Variants in WDPCP observed in about 807,000 individuals in gnomAD.
WDPCP encodes WD repeat containing planar cell polarity effector.
In WDPCP, 71 loss-of-function variants were observed where a neutral mutation model predicts 93.1. The observed-to-expected ratio is 0.76, with a 90% CI of 0.63 to 0.93. The LOEUF (loss-of-function observed/expected upper bound fraction) is 0.93, where lower values mean the gene tolerates loss of function less well. WDPCP is among the 40% of genes least tolerant of loss of function. The probability of loss-of-function intolerance (pLI) is 0.00; values close to 1 mark genes in which losing one functional copy is unlikely to be tolerated. For missense variants in WDPCP, 844 were observed against 887.4 expected, an observed-to-expected ratio of 0.95 and a Z score of 0.62; for synonymous variants, 315 against 315.0, an observed-to-expected ratio of 1.00 and a Z score of 0.00.
At chr2:63,432,061 C>T (rs577871566) in intron 9 of WDPCP, among the ~76,000 whole-genome samples, 7 of 152,104 alleles carry the variant, frequency 4.6e-5, no homozygotes, top group Admixed American at 2.6e-4. Context: ...CCTTAAAAGA[C>T]GTCACACCCA....
chr2:63,420,649 C>G (rs1267699351), intron 9 of WDPCP, among the ~76,000 whole-genome samples: 1 of 152,098 alleles, frequency 6.6e-6, no homozygotes, highest in Admixed American at 6.5e-5. Flanking sequence ...GTATTTAATC[C>G]TATGCATACT....
At chr2:63,693,329 G>T (rs1331615847) in intron 2 of WDPCP, among the ~76,000 whole-genome samples, 1 of 152,010 alleles carries the variant, frequency 6.6e-6, no homozygotes, top group Non-Finnish European at 1.5e-5. Flanking sequence ...TGCAGAAGAT[G>T]GTATAAGCTG....
intron 1 of WDPCP, among the ~76,000 whole-genome samples, chr2:63,575,401 A>T (rs371609763): frequency 4.7e-5 from 1 of 21,470 alleles, no homozygotes; most frequent in African/African-American, 7.8e-5. Flanking sequence ...TATATACAGT[A>T]TATATACAGT....
At chr2:63,478,219 T>C (rs1485547712) in intron 6 of WDPCP, among the ~76,000 whole-genome samples, 1 of 152,024 alleles carries the variant, frequency 6.6e-6, no homozygotes. Context: ...AGAAATTAGA[T>C]AGACAGCAAC....
chr2:63,675,057 G>A (rs969055773), intron 2 of WDPCP, among the ~76,000 whole-genome samples: 2 of 152,062 alleles, frequency 1.3e-5, no homozygotes, highest in African/African-American at 4.8e-5. Flanking sequence ...CCCTGGTCTT[G>A]GGGTTCCTTT....
intron 17 of WDPCP, among the ~76,000 whole-genome samples, chr2:63,127,696 C>T (rs1026088921): frequency 2.4e-4 from 29 of 122,696 alleles, no homozygotes; most frequent in Admixed American, 3.3e-4. Context: ...TATATATATA[C>T]GCACACACAC....
chr2:63,237,350 G>C (rs1559234519), intron 14 of WDPCP, among the ~76,000 whole-genome samples: 1 of 152,170 alleles, frequency 6.6e-6, no homozygotes. Flanking sequence ...CAAGGCTACA[G>C]AGAAAAGGGA....
chr2:63,475,627 T>A (rs1699931113), intron 6 of WDPCP, among the ~76,000 whole-genome samples: 1 of 152,118 alleles, frequency 6.6e-6, no homozygotes, highest in Non-Finnish European at 1.5e-5. Context: ...AGCTTAATAA[T>A]AACAACATTG....
intron 10 of WDPCP, among the ~76,000 whole-genome samples, chr2:63,391,339 C>A (rs1311087893): frequency 1.3e-5 from 2 of 152,158 alleles, no homozygotes; most frequent in African/African-American, 4.8e-5. Flanking sequence ...CAAAATTCAA[C>A]AGCACTTCAT....
intron 3 of WDPCP, among the ~76,000 whole-genome samples, chr2:63,631,488 A>AAG (rs1239545665): frequency 6.6e-6 from 1 of 152,098 alleles, no homozygotes; most frequent in Non-Finnish European, 1.5e-5. Flanking sequence ...AAATAGAAAA[A>AAG]CAATAGGGAG....
chr2:63,136,810 A>C (rs1670652553), intron 17 of WDPCP, among the ~76,000 whole-genome samples: 1 of 151,922 alleles, frequency 6.6e-6, no homozygotes, highest in Non-Finnish European at 1.5e-5. Flanking sequence ...GAACATGCAA[A>C]ATTTGATTTT....
chr2:63,265,122 C>T (rs1318705225), intron 13 of WDPCP, among the ~76,000 whole-genome samples: 2 of 152,014 alleles, frequency 1.3e-5, no homozygotes, highest in Middle Eastern at 3.2e-3. Context: ...AACAATCTAA[C>T]ATTACACCTC....
At position 63,571,163 on chromosome 2, in the gene WDPCP, G is replaced by A. The variant is rs145484494; in HGVS notation, c.75+17034C>T. On this transcript the variant is annotated intron_variant, in intron 1 of 17. Transcript: ENST00000272321. Reference sequence around the variant, plus strand: ...CCTGACCTCGTGATTCGCCTGCCTCGGCCTCCCAAAGTGCTGGGATTACAG... The same window carrying A: ...CCTGACCTCGTGATTCGCCTGCCTCAGCCTCCCAAAGTGCTGGGATTACAG... Among the ~76,000 whole-genome samples, 606 of 151,976 alleles carry A rather than the reference G, an allele frequency of 4.0e-3. 3 individuals are homozygous for A. The highest frequency in any genetic ancestry group is 0.014 in the African/African-American group (579 of 41,436).
intron 2 of WDPCP, among the ~76,000 whole-genome samples, chr2:63,733,358 C>A (rs532047796): frequency 6.7e-6 from 1 of 149,338 alleles, no homozygotes; most frequent in African/African-American, 2.5e-5. Flanking sequence ...CGCCACCGCG[C>A]CCGGCTAATT....
intron 1 of WDPCP, among the ~76,000 whole-genome samples, chr2:63,548,069 T>C (rs1474313463): frequency 3.3e-5 from 5 of 152,044 alleles, no homozygotes; most frequent in African/African-American, 1.2e-4. Context: ...CAATAAAAAA[T>C]ATTAATGAAA....
chr2:63,675,234 C>T (rs569205690), intron 2 of WDPCP, among the ~76,000 whole-genome samples: 7 of 152,290 alleles, frequency 4.6e-5, no homozygotes, highest in African/African-American at 1.7e-4. Flanking sequence ...TTCATTGGGA[C>T]TCTTCTACCA....
chr2:63,376,566 GT>G (rs749919984), intron 12 of WDPCP, among the ~76,000 whole-genome samples: 2 of 151,890 alleles, frequency 1.3e-5, no homozygotes, highest in Non-Finnish European at 2.9e-5. Flanking sequence ...CAAAACTTCT[GT>G]TTCATTCACT....
intron 14 of WDPCP, among the ~76,000 whole-genome samples, chr2:63,245,419 T>A (rs1276309011): frequency 6.6e-6 from 1 of 152,178 alleles, no homozygotes; most frequent in African/African-American, 2.4e-5. Flanking sequence ...AAGTCGAGCT[T>A]TTTGAGAAAA....
At chr2:63,336,375 A>G (rs996305716) in intron 12 of WDPCP, among the ~76,000 whole-genome samples, 2 of 152,200 alleles carry the variant, frequency 1.3e-5, no homozygotes, top group African/African-American at 4.8e-5. Context: ...TGCTCTGACT[A>G]GCAGTTCTAG....
Sources: gnomAD v4.1 joint callset for allele counts (sites outside exome capture counted in the v4.1 genomes callset) on GRCh38, gnomAD v4.1.1 for gene constraint, MANE v1.5 for transcripts, NCBI Gene and HGNC (gene_info 2026-07-23, HGNC 2026-07-21) for gene names.